The following NPNT variants were observed in gnomAD, a reference collection of about 807,000 sequenced individuals.
The protein encoded by NPNT is nephronectin, also known as preosteoblast EGF-like repeat protein with MAM domain.
In NPNT, 45 loss-of-function variants were observed where a neutral mutation model predicts 68.6. That is an observed-to-expected ratio of 0.66 (90% CI 0.52 to 0.84). The LOEUF is 0.84. NPNT is among the 40% of genes least tolerant of loss of function. The pLI, the probability that NPNT is intolerant of heterozygous loss-of-function variation, is 0.00. For missense variants in NPNT, 672 were observed against 714.8 expected (o/e 0.94, Z 0.68); for synonymous variants, 233 against 253.3 (o/e 0.92, Z 0.76).
Position 105,969,029 on chromosome 4 carries a change from T to C in NPNT, c.*39T>C. On this transcript the variant is annotated 3_prime_UTR_variant, in exon 12 of 12. Coordinates refer to ENST00000379987, the MANE Select transcript of NPNT (RefSeq NM_001033047.3). ...AACAATGAACTCCTATGTTGCTCTATCCTCTTTTTCCAATTCTCATCTTCT... is the reference window on the plus strand; with the variant it reads ...AACAATGAACTCCTATGTTGCTCTACCCTCTTTTTCCAATTCTCATCTTCT... 1 of 1,283,950 alleles carries C rather than the reference T, an allele frequency of 7.8e-7. No individual in the cohort carries two copies. Among genetic ancestry groups the C allele is most frequent in the Non-Finnish European group, 1.1e-6 (1 of 886,680 alleles). The allele number at this position is 1,283,950 out of a possible 1,614,324, so 79.5% of individuals were successfully genotyped here.
intron 4 of NPNT, among the ~76,000 whole-genome samples, chr4:105,937,670 G>GA (rs1447176740): frequency 7.9e-5 from 12 of 151,992 alleles, no homozygotes; most frequent in African/African-American, 2.9e-4. Flanking sequence ...TATGATACCA[G>GA]AAAAGTAGGA....
At chr4:105,928,613 CAAAAA>C (rs75354182) in intron 3 of NPNT, among the ~76,000 whole-genome samples, 1 of 92,490 alleles carries the variant, frequency 1.1e-5, no homozygotes, top group Non-Finnish European at 2.3e-5. Flanking sequence ...AACTCTGTCT[CAAAAA>C]AAAAAAAAAA....
chr4:105,947,793 G>T (rs542201480), intron 8 of NPNT, among the ~76,000 whole-genome samples: 1 of 152,190 alleles, frequency 6.6e-6, no homozygotes, highest in African/African-American at 2.4e-5. Flanking sequence ...TGTCACAAAT[G>T]ATCGAGTCAA....
intron 3 of NPNT, among the ~76,000 whole-genome samples, chr4:105,930,220 C>T (rs1020348296): frequency 1.3e-5 from 2 of 152,180 alleles, no homozygotes; most frequent in African/African-American, 4.8e-5. Flanking sequence ...TCTCTGATTT[C>T]TAAGTTCCTG....
intron 2 of NPNT, chr4:105,912,142 C>T (rs1407411033): frequency 2.9e-6 from 4 of 1,382,904 alleles, no homozygotes; most frequent in African/African-American, 1.4e-5. Context: ...AGCCTCCTTA[C>T]AGAGAAAAGA....
At position 105,970,704 on chromosome 4, in the gene NPNT, CTATT is replaced by C. The variant is rs1391026983; in HGVS notation, c.*1717_*1720del. ...TCTAAAAAATTAGATAAAAATTTGT[CTATT>C]TAAGATGGTTAAAGATGTTCTTACC... is the stretch of plus-strand genomic sequence containing the variant. On this transcript the variant is annotated 3_prime_UTR_variant, in exon 12 of 12. Transcript: ENST00000379987. 6.4e-6 allele frequency: 3 copies of C among 469,242 alleles called. No individual in the cohort carries two copies. Among genetic ancestry groups the C allele is most frequent in the African/African-American group, 5.9e-5 (3 of 51,076 alleles). The allele number at this position is 469,242 out of a possible 1,614,324, so 29.1% of individuals were successfully genotyped here.
intron 1 of NPNT, 74 bp downstream of exon 1, chr4:105,895,797 C>A: frequency 1.5e-6 from 2 of 1,337,856 alleles, no homozygotes; most frequent in East Asian, 2.6e-5. Flanking sequence ...GTCACTTTTC[C>A]CCGCGGGGTT....
chr4:105,957,663 T>C (rs957587257), intron 8 of NPNT, among the ~76,000 whole-genome samples: 2 of 152,104 alleles, frequency 1.3e-5, no homozygotes, highest in Non-Finnish European at 2.9e-5. Flanking sequence ...TGTAAATAGC[T>C]GCAATTCTTT....
At chr4:105,929,046 A>G (rs1338858035) in intron 3 of NPNT, among the ~76,000 whole-genome samples, 3 of 152,078 alleles carry the variant, frequency 2.0e-5, no homozygotes, top group Non-Finnish European at 4.4e-5. Context: ...GATTTGCTGC[A>G]CCTATCAAAC....
At chr4:105,905,073 G>C (rs1373305521) in intron 2 of NPNT, among the ~76,000 whole-genome samples, 1 of 150,552 alleles carries the variant, frequency 6.6e-6, no homozygotes, top group African/African-American at 2.5e-5. Flanking sequence ...TATAGTATGG[G>C]CTTTTTTTTT....
In NPNT at chr4:105,938,348, G is replaced by A. The variant is rs1208017762; in HGVS notation, c.433G>A (p.Val145Ile). Residue 145 changes from valine to isoleucine, a missense_variant, in exon 5 of 12, where the codon GTT becomes ATT. Val to Ile is a conservative substitution (Grantham distance 29, BLOSUM62 3). Transcript: ENST00000379987. ...AAACTGTCAGTATGGCTGTGATGTT[G>A]TTAAAGGACAAATACGGTGCCAGTG... ...MANCQYGCDVVKGQIRCQCPS... is the reference protein window; with the variant it reads ...MANCQYGCDVIKGQIRCQCPS... 6.2e-7 allele frequency: 1 copy of A among 1,613,786 alleles called. No individual in the cohort carries two copies.
chr4:105,906,269 C>T (rs751466138), intron 2 of NPNT, among the ~76,000 whole-genome samples: 3 of 152,170 alleles, frequency 2.0e-5, no homozygotes, highest in Admixed American at 1.3e-4. Flanking sequence ...TATGGTTTTA[C>T]TGCATGTAGT....
chr4:105,905,032 G>A (rs990586475), intron 2 of NPNT, among the ~76,000 whole-genome samples: 15 of 151,654 alleles, frequency 9.9e-5, no homozygotes, highest in African/African-American at 3.4e-4. Flanking sequence ...CACCGCGCCC[G>A]GCCATTAGCC....
chr4:105,947,543 T>G (rs1730480742), intron 8 of NPNT, among the ~76,000 whole-genome samples: 1 of 152,180 alleles, frequency 6.6e-6, no homozygotes, highest in African/African-American at 2.4e-5. Flanking sequence ...TTAACCTAAA[T>G]TTATGAAACT....
intron 1 of NPNT, among the ~76,000 whole-genome samples, chr4:105,896,581 G>T (rs1725870364): frequency 6.6e-6 from 1 of 152,182 alleles, no homozygotes. Flanking sequence ...TTACTCTGGC[G>T]CACACCGTCG....
intron 3 of NPNT, among the ~76,000 whole-genome samples, chr4:105,934,384 A>G (rs1317958495): frequency 6.6e-6 from 1 of 152,194 alleles, no homozygotes; most frequent in Middle Eastern, 3.2e-3. Context: ...AGGATGCCAG[A>G]TGCATTTAAT....
At chr4:105,905,268 A>G (rs1309618246) in intron 2 of NPNT, among the ~76,000 whole-genome samples, 1 of 152,208 alleles carries the variant, frequency 6.6e-6, no homozygotes, top group Admixed American at 6.5e-5. Flanking sequence ...TCTAATCCTT[A>G]TTCCAATTAT....
intron 2 of NPNT, among the ~76,000 whole-genome samples, chr4:105,926,729 G>A: frequency 6.6e-6 from 1 of 152,136 alleles, no homozygotes; most frequent in East Asian, 1.9e-4. Context: ...TGCTATGTTA[G>A]GGCATAGAAA....
intron 8 of NPNT, among the ~76,000 whole-genome samples, chr4:105,945,652 C>G (rs906825412): frequency 8.5e-5 from 13 of 152,218 alleles, no homozygotes; most frequent in Admixed American, 2.0e-4. Context: ...TGCTACCACC[C>G]TGGCCCAAGC....
Sources: gnomAD v4.1 joint callset for allele counts (sites outside exome capture counted in the v4.1 genomes callset) on GRCh38, gnomAD v4.1.1 for gene constraint, MANE v1.5 for transcripts, NCBI Gene and HGNC (gene_info 2026-07-23, HGNC 2026-07-21) for gene names.